ZNF385D: variants seen among roughly 807,000 people sequenced by gnomAD.
The protein encoded by ZNF385D is zinc finger protein 659.
In ZNF385D, 15 loss-of-function variants were observed where a neutral mutation model predicts 35.8. That is an observed-to-expected ratio of 0.42 (90% CI 0.28 to 0.64). The LOEUF (loss-of-function observed/expected upper bound fraction) is 0.64. Ranked by LOEUF, ZNF385D falls within the 30% of genes least tolerant of loss-of-function variation. The pLI is 0.23. For missense variants in ZNF385D, 474 were observed against 494.6 expected, an observed-to-expected ratio of 0.96 and a Z score of 0.39; for synonymous variants, 212 against 186.8, an observed-to-expected ratio of 1.13 and a Z score of -1.10.
chr3:22,007,409 G>C (rs901894981), intron 3 of ZNF385D, among the ~76,000 whole-genome samples: 2 of 152,086 alleles, frequency 1.3e-5, no homozygotes, highest in Non-Finnish European at 2.9e-5. Context: ...TATTTAGTTT[G>C]TTTTCCAAAT....
In ZNF385D at chr3:22,334,541, G is replaced by A. The variant is rs969978689; in HGVS notation, c.106+37909C>T. On this transcript the variant is annotated intron_variant, in intron 2 of 5. Transcript: ENST00000494108. Reference sequence around the variant, plus strand: ...ATCATTATACTTCTGACTGAAATGTGCGTGTTCTGGTGATGAATTCTCTCA... The same window carrying A: ...ATCATTATACTTCTGACTGAAATGTACGTGTTCTGGTGATGAATTCTCTCA... Among the ~76,000 whole-genome samples, 3 of 152,010 alleles carry A rather than the reference G, an allele frequency of 2.0e-5. 1 individual carries two copies. The highest frequency in any genetic ancestry group is 2.0e-4 in the Admixed American group (3 of 15,256).
intron 2 of ZNF385D, among the ~76,000 whole-genome samples, chr3:22,252,174 A>G (rs1029822054): frequency 1.3e-5 from 2 of 152,070 alleles, no homozygotes; most frequent in African/African-American, 4.8e-5. Context: ...TTGCCTCAGA[A>G]TTTCAAAGAA....
chr3:21,471,719 A>G (rs369597267), intron 4 of ZNF385D, among the ~76,000 whole-genome samples: 30 of 152,262 alleles, frequency 2.0e-4, no homozygotes, highest in Middle Eastern at 3.4e-3. Flanking sequence ...ATGATGGGAA[A>G]CATTTCCCTT....
At chr3:22,240,403 C>T (rs769405512) in intron 2 of ZNF385D, among the ~76,000 whole-genome samples, 1 of 150,912 alleles carries the variant, frequency 6.6e-6, no homozygotes, top group Non-Finnish European at 1.5e-5. Flanking sequence ...TCTTCCTGCC[C>T]TTTTGTTAAT....
rs191924351 is a variant in ZNF385D, at chr3:22,005,395, A to C, written c.325+163422T>G. Among the ~76,000 whole-genome samples the C allele has an allele frequency of 1.6e-3, 248 of 152,234 alleles. 3 individuals carry two copies. The highest frequency in any genetic ancestry group is 5.6e-3 in the African/African-American group (233 of 41,580). On this transcript the variant is annotated intron_variant, in intron 3 of 5. Coordinates refer to the ZNF385D transcript ENST00000494108. ...CAGTGTGGAGTTTTCTCAAAAAACT[A>C]AAAATAGAATAAGGGAGATCTATTG...
At chr3:21,697,091 C>T (rs1220864674) in intron 1 of ZNF385D, among the ~76,000 whole-genome samples, 1 of 152,118 alleles carries the variant, frequency 6.6e-6, no homozygotes, top group Non-Finnish European at 1.5e-5. Context: ...AGGTAGAAAT[C>T]CATTAACTGG....
intron 2 of ZNF385D, among the ~76,000 whole-genome samples, chr3:22,236,346 T>C (rs1699183483): frequency 2.0e-5 from 3 of 152,120 alleles, no homozygotes. Context: ...TTTTATTTAT[T>C]TATTAGATGG....
intron 3 of ZNF385D, among the ~76,000 whole-genome samples, chr3:21,822,796 C>A (rs1204647924): frequency 6.6e-6 from 1 of 150,734 alleles, no homozygotes; most frequent in Admixed American, 6.6e-5. Flanking sequence ...ATCTCGAAAA[C>A]AATGTTGAGT....
At chr3:21,694,772 C>A (rs1401312716) in intron 1 of ZNF385D, among the ~76,000 whole-genome samples, 1 of 152,172 alleles carries the variant, frequency 6.6e-6, no homozygotes, top group Middle Eastern at 3.2e-3. Flanking sequence ...AACCTCATGA[C>A]TCCAATTGAG....
In ZNF385D at chr3:21,951,179, C is replaced by T. The variant is rs1410501489; in HGVS notation, c.325+217638G>A. Among the ~76,000 whole-genome samples the T allele has an allele frequency of 1.3e-5, 2 of 151,754 alleles. 1 individual carries two copies. The highest frequency in any genetic ancestry group is 4.9e-5 in the African/African-American group (2 of 41,060). On this transcript the variant is annotated intron_variant, in intron 3 of 5. Coordinates refer to the ZNF385D transcript ENST00000494108. ...GATACTGATTCTTCCTGTCCATGAA[C>T]ATGGAATGTTTTTCCAATTGTTTCT...
At chr3:22,370,462 A>C (rs1033073421) in intron 2 of ZNF385D, among the ~76,000 whole-genome samples, 1 of 152,184 alleles carries the variant, frequency 6.6e-6, no homozygotes, top group African/African-American at 2.4e-5. Context: ...ATTTTATTTC[A>C]CATCTACAAA....
chr3:22,126,244 G>T (rs1375271256), intron 3 of ZNF385D, among the ~76,000 whole-genome samples: 1 of 148,254 alleles, frequency 6.7e-6, no homozygotes, highest in African/African-American at 2.5e-5. Context: ...AGCCATCCTT[G>T]ATCCATGCAA....
At chr3:21,725,525 C>T (rs932939806) in intron 1 of ZNF385D, among the ~76,000 whole-genome samples, 4 of 152,126 alleles carry the variant, frequency 2.6e-5, no homozygotes, top group Non-Finnish European at 5.9e-5. Flanking sequence ...CAAAGAAATA[C>T]AAACTACCAT....
intron 3 of ZNF385D, among the ~76,000 whole-genome samples, chr3:21,791,795 C>G (rs918237947): frequency 6.6e-6 from 1 of 152,138 alleles, no homozygotes; most frequent in Non-Finnish European, 1.5e-5. Context: ...AGTGTAGTGG[C>G]GCGATCTCGG....
rs551027830 is a variant in ZNF385D, at chr3:21,511,770, G to T, written c.277-747C>A. 1.2e-3 allele frequency: 542 copies of T among 456,324 alleles called. 4 individuals are homozygous for T. Among genetic ancestry groups the T allele is most frequent in the South Asian group, 5.1e-3 (330 of 64,530 alleles). The allele number at this position is 456,324 out of a possible 1,614,324, so 28.3% of individuals were successfully genotyped here. ...TTGCTTGTGCCATCTGAGATATATAGAGAGAGAGTTTAGAGTGATATGCAT... is the reference window on the plus strand; with the variant it reads ...TTGCTTGTGCCATCTGAGATATATATAGAGAGAGTTTAGAGTGATATGCAT... On this transcript the variant is annotated intron_variant, in intron 3 of 7. Coordinates refer to ENST00000281523, the MANE Select transcript of ZNF385D (RefSeq NM_024697.3).
intron 2 of ZNF385D, among the ~76,000 whole-genome samples, chr3:22,350,008 T>C (rs562066578): frequency 1.3e-5 from 2 of 152,152 alleles, no homozygotes; most frequent in Non-Finnish European, 2.9e-5. Flanking sequence ...TAAGTAAACA[T>C]GAATATAGAG....
intron 2 of ZNF385D, among the ~76,000 whole-genome samples, chr3:22,283,085 A>C (rs1327137116): frequency 2.0e-5 from 3 of 152,102 alleles, no homozygotes; most frequent in Non-Finnish European, 2.9e-5. Context: ...AAAAAAGACA[A>C]AGAGGGACCT....
chr3:21,687,064 C>T (rs1456605319), intron 1 of ZNF385D, among the ~76,000 whole-genome samples: 3 of 152,166 alleles, frequency 2.0e-5, no homozygotes, highest in South Asian at 2.1e-4. Context: ...CCTGCCCTGG[C>T]TCTCTGGTAA....
chr3:22,292,828 T>C (rs1035210251), intron 2 of ZNF385D, among the ~76,000 whole-genome samples: 15 of 152,124 alleles, frequency 9.9e-5, no homozygotes, highest in African/African-American at 3.6e-4. Context: ...CAAAATTCTA[T>C]AGTGACAGAA....
Sources: gnomAD v4.1 joint callset for allele counts (sites outside exome capture counted in the v4.1 genomes callset) on GRCh38, gnomAD v4.1.1 for gene constraint, MANE v1.5 for transcripts, NCBI Gene and HGNC (gene_info 2026-07-23, HGNC 2026-07-21) for gene names.